The following CDC42BPA variants were observed in gnomAD, a reference collection of about 807,000 sequenced individuals.
The protein encoded by CDC42BPA is serine/threonine-protein kinase MRCK alpha.
In CDC42BPA, 80 loss-of-function variants were observed where a neutral mutation model predicts 223.5. The ratio of observed to expected loss-of-function variants is 0.36; its 90% CI spans 0.30 to 0.43. CDC42BPA has a LOEUF of 0.43. Ranked by LOEUF, CDC42BPA falls within the 20% of genes least tolerant of loss-of-function variation. The pLI is 1.00. For missense variants in CDC42BPA, 1,743 were observed against 2,099.9 expected, an observed-to-expected ratio of 0.83 and a Z score of 3.32; for synonymous variants, 694 against 718.6, an observed-to-expected ratio of 0.97 and a Z score of 0.55.
intron 30 of CDC42BPA, among the ~76,000 whole-genome samples, chr1:227,028,411 C>G (rs754068469): frequency 1.3e-5 from 2 of 152,166 alleles, no homozygotes; most frequent in African/African-American, 4.8e-5. Flanking sequence ...AAAAATCCAT[C>G]TTAGTGAAAT....
chr1:227,190,156 A>G (rs1207710084), intron 5 of CDC42BPA, among the ~76,000 whole-genome samples: 1 of 151,920 alleles, frequency 6.6e-6, no homozygotes, highest in Non-Finnish European at 1.5e-5. Context: ...TTCTCCTACC[A>G]TTCACCTATC....
chr1:227,088,302 A>G (rs535907138), intron 16 of CDC42BPA, among the ~76,000 whole-genome samples: 3 of 152,304 alleles, frequency 2.0e-5, no homozygotes, highest in Middle Eastern at 3.4e-3. Context: ...CACATAGTAA[A>G]TTTTAAGTAT....
At chr1:227,276,818 G>A (rs1230621928) in intron 1 of CDC42BPA, among the ~76,000 whole-genome samples, 1 of 152,108 alleles carries the variant, frequency 6.6e-6, no homozygotes, top group Non-Finnish European at 1.5e-5. Context: ...GTCCACTCAG[G>A]GTTAAACGGA....
chr1:227,018,901 T>C (rs928050548), intron 32 of CDC42BPA, among the ~76,000 whole-genome samples: 6 of 152,224 alleles, frequency 3.9e-5, no homozygotes, highest in Non-Finnish European at 8.8e-5. Flanking sequence ...TCATGAGTCA[T>C]ATTCTTGTTG....
At chr1:227,164,617 G>T (rs1465156076) in intron 5 of CDC42BPA, among the ~76,000 whole-genome samples, 2 of 152,224 alleles carry the variant, frequency 1.3e-5, no homozygotes, top group African/African-American at 4.8e-5. Context: ...TGTGAGCCAT[G>T]ATCATGCCAC....
intron 2 of CDC42BPA, among the ~76,000 whole-genome samples, chr1:227,248,160 GTA>G (rs1681331292): frequency 1.3e-5 from 2 of 152,070 alleles, no homozygotes; most frequent in East Asian, 3.9e-4. Context: ...GAAAATAAGA[GTA>G]GAAAGTTTAT....
chr1:227,195,167 T>C (rs1408397543), intron 4 of CDC42BPA, among the ~76,000 whole-genome samples: 3 of 152,212 alleles, frequency 2.0e-5, no homozygotes, highest in African/African-American at 7.2e-5. Context: ...TTTGGCCTAC[T>C]TGCTGTATTT....
intron 5 of CDC42BPA, among the ~76,000 whole-genome samples, chr1:227,162,428 T>A (rs1420812102): frequency 6.6e-6 from 1 of 152,242 alleles, no homozygotes; most frequent in Non-Finnish European, 1.5e-5. Flanking sequence ...TACACTATTA[T>A]GCCTATATAC....
At chr1:227,161,930 A>C (rs546473158) in intron 5 of CDC42BPA, among the ~76,000 whole-genome samples, 2 of 152,352 alleles carry the variant, frequency 1.3e-5, no homozygotes, top group Admixed American at 1.3e-4. Flanking sequence ...TCAACATTTG[A>C]CTGTATTCTA....
intron 1 of CDC42BPA, among the ~76,000 whole-genome samples, chr1:227,257,768 G>GAAA (rs1237645240): frequency 1.3e-5 from 2 of 149,526 alleles, no homozygotes; most frequent in Admixed American, 1.3e-4. Context: ...AAAAAAGGAA[G>GAAA]AAAACTTTTT....
chr1:227,275,390 A>C (rs1686756176), intron 1 of CDC42BPA, among the ~76,000 whole-genome samples: 1 of 150,484 alleles, frequency 6.6e-6, no homozygotes, highest in Non-Finnish European at 1.5e-5. Context: ...TAATCATAGA[A>C]CTTTAAAAGA....
chr1:227,230,148 A>G (rs1175700895), intron 2 of CDC42BPA, among the ~76,000 whole-genome samples: 1 of 152,204 alleles, frequency 6.6e-6, no homozygotes, highest in Non-Finnish European at 1.5e-5. Flanking sequence ...CTGTTCTGCT[A>G]CTGCCTAGGT....
chr1:227,293,477 A>T (rs1430763058), intron 1 of CDC42BPA, among the ~76,000 whole-genome samples: 1 of 151,732 alleles, frequency 6.6e-6, no homozygotes, highest in Non-Finnish European at 1.5e-5. Context: ...CTACATCCCA[A>T]TTGCCATCAG....
At chr1:227,200,667 T>C (rs1057188488) in intron 3 of CDC42BPA, among the ~76,000 whole-genome samples, 1 of 152,130 alleles carries the variant, frequency 6.6e-6, no homozygotes, top group Admixed American at 6.5e-5. Flanking sequence ...TATTATACAA[T>C]GTTGGAATAA....
chr1:227,156,674 G>C (rs1662876818), intron 6 of CDC42BPA, among the ~76,000 whole-genome samples: 1 of 152,164 alleles, frequency 6.6e-6, no homozygotes. Flanking sequence ...GAAACTCAGA[G>C]ACAGAAATAT....
rs749898002 is a variant in CDC42BPA at position 227,193,943 on chromosome 1, GA to G, written c.451-10del. ...TAATCCATAACCAGGTACTGTGAAT[GA>G]AAAAAATAAAATGTACTCAGTAAAC... On this transcript the variant is annotated splice_polypyrimidine_tract_variant and intron_variant, in intron 4 of 36. Coordinates refer to ENST00000366766, the MANE Select transcript of CDC42BPA (RefSeq NM_001394014.1). 2 of 1,585,990 alleles carry G rather than the reference GA, an allele frequency of 1.3e-6. No homozygotes were observed. Among genetic ancestry groups the G allele is most frequent in the South Asian group, 1.2e-5 (1 of 86,106 alleles).
chr1:227,019,772 T>TA (rs1273461499), intron 32 of CDC42BPA, among the ~76,000 whole-genome samples: 7 of 152,330 alleles, frequency 4.6e-5, no homozygotes, highest in African/African-American at 1.7e-4. Flanking sequence ...AAAGAAGTAT[T>TA]ACTTTTCTGA....
At chr1:227,004,518 C>A (rs1003652091) in intron 35 of CDC42BPA, 5 of 163,568 alleles carry the variant, frequency 3.1e-5, no homozygotes, top group Admixed American at 2.3e-4. Context: ...CAAGTCCCTG[C>A]TGGTCTGACC....
chr1:227,246,392 C>T (rs890294103), intron 2 of CDC42BPA, among the ~76,000 whole-genome samples: 1 of 152,042 alleles, frequency 6.6e-6, no homozygotes, highest in Non-Finnish European at 1.5e-5. Flanking sequence ...AACTCACCAC[C>T]CTGAAGGGAA....
Sources: allele counts gnomAD v4.1 joint callset (sites outside exome capture counted in the v4.1 genomes callset), GRCh38; gene constraint gnomAD v4.1.1; transcripts MANE v1.5; gene names NCBI Gene and HGNC (gene_info 2026-07-23, HGNC 2026-07-21).